LYST: variants seen among roughly 807,000 people sequenced by gnomAD.
LYST encodes lysosomal-trafficking regulator.
In LYST, 192 loss-of-function variants were observed where a neutral mutation model predicts 413.6. The ratio of observed to expected loss-of-function variants is 0.46; its 90% CI spans 0.41 to 0.52. The LOEUF is 0.52. Ranked by LOEUF, LYST falls within the 20% of genes least tolerant of loss-of-function variation. The pLI is 0.00. For missense variants in LYST, 3,815 were observed against 4,499.9 expected (o/e 0.85, Z 4.35); for synonymous variants, 1,525 against 1,567.3 (o/e 0.97, Z 0.64).
At chr1:235,778,506 C>T (rs1275602646) in intron 16 of LYST, among the ~76,000 whole-genome samples, 1 of 152,004 alleles carries the variant, frequency 6.6e-6, no homozygotes, top group Non-Finnish European at 1.5e-5. Context: ...TCCTGAGTAG[C>T]TGGAATTACA....
chr1:235,776,398 A>G (rs978693915), intron 17 of LYST, among the ~76,000 whole-genome samples: 2 of 152,216 alleles, frequency 1.3e-5, no homozygotes, highest in Admixed American at 6.5e-5. Flanking sequence ...TGCAAAAGTT[A>G]TACTTAGGGA....
intron 7 of LYST, 112 bp downstream of exon 7, chr1:235,804,392 C>A (rs141799480): frequency 1.2e-6 from 1 of 849,918 alleles, no homozygotes; most frequent in Non-Finnish European, 2.0e-6. Context: ...CTCATCTGAC[C>A]AAGTCCTAGT....
At chr1:235,802,878 C>G in intron 8 of LYST, 30 bp downstream of exon 8, 2 of 1,608,830 alleles carry the variant, frequency 1.2e-6, no homozygotes, top group South Asian at 1.1e-5. Context: ...GCTTGCAGAT[C>G]TAATTACAAG....
At chr1:235,667,941 C>T (rs1658631920) in intron 50 of LYST, among the ~76,000 whole-genome samples, 1 of 152,110 alleles carries the variant, frequency 6.6e-6, no homozygotes, top group Admixed American at 6.6e-5. Flanking sequence ...GGATTACAGG[C>T]ATAGCCACCG....
At chr1:235,713,241 A>C in intron 42 of LYST, 1 of 956,208 alleles carries the variant, frequency 1.0e-6, no homozygotes. Context: ...CCACTTAAAG[A>C]AATACCTACT....
intron 43 of LYST, among the ~76,000 whole-genome samples, chr1:235,710,296 C>T (rs1231091970): frequency 2.6e-5 from 4 of 152,190 alleles, no homozygotes; most frequent in South Asian, 2.1e-4. Context: ...CAGCAGTCAT[C>T]GTACAGAGCA....
intron 1 of LYST, among the ~76,000 whole-genome samples, chr1:235,878,294 C>G (rs1681228508): frequency 6.6e-6 from 1 of 152,110 alleles, no homozygotes; most frequent in African/African-American, 2.4e-5. Flanking sequence ...GAGGGAGTGG[C>G]TTGTGGCAGA....
At position 235,806,172 on chromosome 1, in the gene LYST, T is replaced by A; in HGVS notation, c.2964A>T (p.Arg988=). The stretch of plus-strand genomic sequence containing the variant: ...TCATAAATATTAACTTATGGCATAC[T>A]CGGAAACCACCAAGCCTATAAAACT... ...QKQFYRLGGF[R]VCHKLIFMII... is the part of the protein sequence containing the mutation. The change falls in exon 6 of 53, where the codon CGA becomes CGT. Residue 988 remains arginine (R), a synonymous_variant. Transcript: ENST00000389793. 6.2e-7 allele frequency: 1 copy of A among 1,613,864 alleles called. No homozygotes were observed. The highest frequency in any genetic ancestry group is 8.5e-7 in the Non-Finnish European group (1 of 1,179,982).
At chr1:235,851,511 T>C (rs566960330) in intron 1 of LYST, among the ~76,000 whole-genome samples, 2 of 151,972 alleles carry the variant, frequency 1.3e-5, no homozygotes, top group South Asian at 2.1e-4. Context: ...AAATAACTTA[T>C]TCATGTAACC....
chr1:235,738,962 G>C, intron 31 of LYST: 2 of 726,770 alleles, frequency 2.8e-6, no homozygotes, highest in Non-Finnish European at 5.2e-6. Context: ...ATCCACTTTG[G>C]GGGATACAAA....
chr1:235,734,370 A>C, intron 32 of LYST, 113 bp downstream of exon 32: 1 of 881,528 alleles, frequency 1.1e-6, no homozygotes, highest in Non-Finnish European at 1.9e-6. Context: ...ATAAAATAAA[A>C]TAATCATTTC....
Position 235,805,729 on chromosome 1 carries a change from G to C in LYST, c.3393+14C>G. On this transcript the variant is annotated intron_variant, in intron 6 of 52. Transcript: ENST00000389793. ...ATATATTACATAAGAGTTGGACTAA[G>C]GACAAGGTATTACCTGATTAGGTAA... 6.3e-7 allele frequency: 1 copy of C among 1,592,952 alleles called. No homozygotes were observed. The highest frequency in any genetic ancestry group is 8.6e-7 in the Non-Finnish European group (1 of 1,162,086).
At chr1:235,776,512 A>G (rs1414551480) in intron 17 of LYST, among the ~76,000 whole-genome samples, 1 of 152,152 alleles carries the variant, frequency 6.6e-6, no homozygotes, top group African/African-American at 2.4e-5. Flanking sequence ...CTAAAGTGAG[A>G]CTGTTGGTGC....
chr1:235,825,394 G>GT (rs1675214308), intron 3 of LYST, among the ~76,000 whole-genome samples: 1 of 152,226 alleles, frequency 6.6e-6, no homozygotes, highest in Admixed American at 6.5e-5. Flanking sequence ...TGGGAAAAAA[G>GT]TAAAATTGTC....
At chr1:235,783,730 TAAAC>T (rs1282520639) in intron 14 of LYST, among the ~76,000 whole-genome samples, 1 of 152,158 alleles carries the variant, frequency 6.6e-6, no homozygotes, top group African/African-American at 2.4e-5. Flanking sequence ...CAAAATGAAT[TAAAC>T]AAATATTAAG....
rs764592920 is a variant in LYST at position 235,702,751 on chromosome 1, T to C, written c.10370A>G (p.Tyr3457Cys). The C allele has an allele frequency of 3.1e-6, 5 of 1,613,356 alleles. No homozygotes were observed. Among genetic ancestry groups the C allele is most frequent in the Middle Eastern group, 1.6e-4 (1 of 6,084 alleles). Reference protein sequence around the residue: ...ETREQVKEITYPSPLSWIKGL... With the variant: ...ETREQVKEITCPSPLSWIKGL... ...ATTGAAATCCAAATGACATACCGGA[T>C]AGGTGATTTCTTTGACCTGTTCTCG... The change falls in exon 45 of 53, where the codon TAT becomes TGT. Residue 3457 changes from tyrosine (Y) to cysteine (C), a missense_variant. Physicochemically the swap from Tyr to Cys is radical, Grantham distance 194 (BLOSUM62 -2). This residue lies in a region of LYST where 866 missense variants were observed against 1,156.0 expected (regional missense o/e 0.75). Transcript: ENST00000389793.
intron 1 of LYST, among the ~76,000 whole-genome samples, chr1:235,846,904 A>C (rs1677949162): frequency 6.6e-6 from 1 of 152,110 alleles, no homozygotes; most frequent in African/African-American, 2.4e-5. Flanking sequence ...CCTAAGAATA[A>C]TCAGTGTTCC....
At chr1:235,862,049 C>T (rs1428245239) in intron 1 of LYST, among the ~76,000 whole-genome samples, 1 of 152,142 alleles carries the variant, frequency 6.6e-6, no homozygotes, top group Admixed American at 6.5e-5. Flanking sequence ...AAAATGGAGT[C>T]ACTCATGCTG....
intron 39 of LYST, 49 bp from the exon 40 acceptor site, chr1:235,720,954 T>C (rs188694418): frequency 3.6e-5 from 57 of 1,585,004 alleles, no homozygotes; most frequent in Admixed American, 1.2e-4. Flanking sequence ...TTTAGTCTTA[T>C]TGGCACTTTT....
Sources: allele counts gnomAD v4.1 joint callset (sites outside exome capture counted in the v4.1 genomes callset), GRCh38; gene constraint gnomAD v4.1.1; regional missense constraint gnomAD v4.1.1; transcripts MANE v1.5; gene names NCBI Gene and HGNC (gene_info 2026-07-23, HGNC 2026-07-21).